The following PDZD2 variants were observed in gnomAD, a reference collection of about 807,000 sequenced individuals.
PDZD2 encodes PDZ domain containing 2.
A neutral mutation model predicts 220.7 loss-of-function variants in PDZD2; 90 were observed. The ratio of observed to expected loss-of-function variants is 0.41; its 90% CI spans 0.34 to 0.49. PDZD2 has a LOEUF of 0.49. Among genes scored for constraint, PDZD2 ranks in the 20% least tolerant of loss-of-function variants. PDZD2 has a pLI of 0.28. For missense variants in PDZD2, 3,174 were observed against 3,608.5 expected (o/e 0.88, Z 3.08); for synonymous variants, 1,375 against 1,450.5 (o/e 0.95, Z 1.18).
At chr5:31,745,656 T>C (rs1416028669) in intron 1 of PDZD2, among the ~76,000 whole-genome samples, 2 of 152,174 alleles carry the variant, frequency 1.3e-5, no homozygotes, top group African/African-American at 4.8e-5. Context: ...CCTTCCTGTT[T>C]TAGCATCTTC....
At chr5:31,948,685 A>G (rs1746883323) in intron 2 of PDZD2, among the ~76,000 whole-genome samples, 1 of 152,218 alleles carries the variant, frequency 6.6e-6, no homozygotes, top group Non-Finnish European at 1.5e-5. Flanking sequence ...TGATTTAATG[A>G]TATGATGTAA....
intron 1 of PDZD2, among the ~76,000 whole-genome samples, chr5:31,668,363 AC>A (rs763099704): frequency 3.9e-5 from 6 of 152,210 alleles, no homozygotes; most frequent in Non-Finnish European, 7.3e-5. Flanking sequence ...GGGGCTGCCC[AC>A]CACCGGGCAA....
rs530444269 is a variant in PDZD2 at position 31,664,362 on chromosome 5, C to T, written c.-361+24925C>T. Among the ~76,000 whole-genome samples, 3 of 152,080 alleles carry T rather than the reference C, an allele frequency of 2.0e-5. No individual in the cohort carries two copies. The East Asian group carries it at 5.8e-4, about 29-fold the overall frequency. ...AAAATCATTTCTCTCTCACAAACAG[C>T]CTAGTGCAGGGCTCAAATCCCAGGA... On this transcript the variant is annotated intron_variant, in intron 1 of 24. Coordinates refer to ENST00000438447, the MANE Select transcript of PDZD2 (RefSeq NM_178140.4).
At chr5:31,663,909 C>G (rs1207823808) in intron 1 of PDZD2, among the ~76,000 whole-genome samples, 1 of 151,910 alleles carries the variant, frequency 6.6e-6, no homozygotes, top group East Asian at 1.9e-4. Flanking sequence ...GCACATGTAT[C>G]TGTGTGTGAG....
chr5:31,945,775 A>G (rs1462531113), intron 2 of PDZD2, among the ~76,000 whole-genome samples: 3 of 152,008 alleles, frequency 2.0e-5, no homozygotes, highest in Non-Finnish European at 2.9e-5. Context: ...CCCCAGGAAG[A>G]GTCTTTAAGG....
Position 31,710,452 on chromosome 5 carries a change from C to T in PDZD2, c.-361+71015C>T, listed in dbSNP as rs573935249. Among the ~76,000 whole-genome samples the T allele has an allele frequency of 3.5e-4, 53 of 152,200 alleles. 1 individual carries two copies. The highest frequency in any genetic ancestry group is 3.4e-3 in the Middle Eastern group (1 of 294). ...GTTGGCTGAACTTCTATCCAAATTCCGGCTCTGCAGCTTACTGGTCACCTT... is the reference window on the plus strand; with the variant it reads ...GTTGGCTGAACTTCTATCCAAATTCTGGCTCTGCAGCTTACTGGTCACCTT... On this transcript the variant is annotated intron_variant, in intron 1 of 24. Transcript: ENST00000438447.
At chr5:31,662,730 C>T (rs374293561) in intron 1 of PDZD2, among the ~76,000 whole-genome samples, 8 of 152,278 alleles carry the variant, frequency 5.3e-5, no homozygotes, top group African/African-American at 1.7e-4. Context: ...CCCAGGTTCA[C>T]GCCATTCTCC....
At chr5:31,743,182 T>TTC (rs1750372281) in intron 1 of PDZD2, among the ~76,000 whole-genome samples, 2 of 151,670 alleles carry the variant, frequency 1.3e-5, no homozygotes, top group South Asian at 2.1e-4. Context: ...TTTTTCTTTT[T>TTC]TTTTTTTTTG....
intron 1 of PDZD2, among the ~76,000 whole-genome samples, chr5:31,711,668 A>G (rs1407090236): frequency 6.6e-6 from 1 of 152,156 alleles, no homozygotes; most frequent in Non-Finnish European, 1.5e-5. Flanking sequence ...GACAAGCCTC[A>G]GTTTCCTCAT....
At chr5:32,071,934 A>G (rs983607938) in intron 16 of PDZD2, among the ~76,000 whole-genome samples, 1 of 152,172 alleles carries the variant, frequency 6.6e-6, no homozygotes, top group African/African-American at 2.4e-5. Context: ...AAATTTAGCC[A>G]AAAACAAAAA....
At chr5:31,905,631 T>C (rs1468766998) in intron 2 of PDZD2, among the ~76,000 whole-genome samples, 1 of 152,226 alleles carries the variant, frequency 6.6e-6, no homozygotes, top group Non-Finnish European at 1.5e-5. Flanking sequence ...CAGGAAAGTA[T>C]TTTCTCACTA....
intron 2 of PDZD2, among the ~76,000 whole-genome samples, chr5:31,862,113 T>TG (rs1486838438): frequency 7.1e-6 from 1 of 140,894 alleles, no homozygotes; most frequent in East Asian, 2.1e-4. Context: ...TTTTTTTTTT[T>TG]TTTTTTTTTT....
chr5:32,067,159 A>G (rs1581412080), intron 14 of PDZD2, among the ~76,000 whole-genome samples: 1 of 152,294 alleles, frequency 6.6e-6, no homozygotes, highest in East Asian at 1.9e-4. Flanking sequence ...TACCACAAGG[A>G]TTTCTTTTCT....
At chr5:31,877,876 A>G (rs1739451153) in intron 2 of PDZD2, among the ~76,000 whole-genome samples, 1 of 151,948 alleles carries the variant, frequency 6.6e-6, no homozygotes, top group African/African-American at 2.4e-5. Context: ...TTTAGTAGAG[A>G]TGGGGTTTCA....
Position 32,043,031 on chromosome 5 carries a change from C to T in PDZD2, c.1520-5508C>T, listed in dbSNP as rs554932413. ...CCGGGAAAAAGATCTGCCTCCCAGA[C>T]AGAATTCTCCTTCCCTGCCCTTTGG... On this transcript the variant is annotated intron_variant, in intron 7 of 24. Coordinates refer to ENST00000438447, the MANE Select transcript of PDZD2 (RefSeq NM_178140.4). Among the ~76,000 whole-genome samples the T allele has an allele frequency of 6.6e-5, 10 of 152,320 alleles. No individual in the cohort carries two copies. In the East Asian group the frequency reaches 1.9e-3, roughly 29 times the overall value.
Position 31,799,194 on chromosome 5 carries a change from G to A in PDZD2, c.-55G>A, listed in dbSNP as rs762935896. The A allele has an allele frequency of 1.1e-5, 14 of 1,270,174 alleles. No individual in the cohort carries two copies. The highest frequency in any genetic ancestry group is 1.6e-5 in the Non-Finnish European group (14 of 902,314). 78.7% of individuals were successfully genotyped at this position (1,270,174 alleles called of 1,614,324 possible). A position where few individuals can be genotyped will look rare whatever the true frequency, so the allele number is the denominator to read the frequency against. On this transcript the variant is annotated 5_prime_UTR_variant, in exon 2 of 25. Transcript: ENST00000438447. ...CCCAGGGGACGTGGGGCCCTGTGGG[G>A]TCTGGCCCCCAGGAGCAAGACCTCT...
chr5:31,712,764 G>A (rs548603198), intron 1 of PDZD2, among the ~76,000 whole-genome samples: 14 of 152,290 alleles, frequency 9.2e-5, no homozygotes, highest in African/African-American at 3.1e-4. Context: ...ACAGAAAAGC[G>A]CAGGAATTGA....
rs555919506 is a variant in PDZD2 at position 31,808,338 on chromosome 5, C to T, written c.476+8614C>T. Among the ~76,000 whole-genome samples the T allele has an allele frequency of 1.9e-4, 29 of 152,292 alleles. No homozygotes were observed. In the South Asian group the frequency reaches 3.9e-3, roughly 21 times the overall value. ...GAAAGATTTCCCTTACCGGTTAAAA[C>T]GAAAACAAGTTTCAGCATTTAAAAT... On this transcript the variant is annotated intron_variant, in intron 2 of 24. Coordinates refer to ENST00000438447, the MANE Select transcript of PDZD2 (RefSeq NM_178140.4).
At chr5:32,058,411 G>A (rs1020498600) in intron 12 of PDZD2, among the ~76,000 whole-genome samples, 9 of 150,784 alleles carry the variant, frequency 6.0e-5, no homozygotes, top group Non-Finnish European at 1.2e-4. Flanking sequence ...GCTCATGTCT[G>A]TAATCCTAGC....
Sources: gnomAD v4.1 joint callset for allele counts (sites outside exome capture counted in the v4.1 genomes callset) on GRCh38, gnomAD v4.1.1 for gene constraint, MANE v1.5 for transcripts, NCBI Gene and HGNC (gene_info 2026-07-23, HGNC 2026-07-21) for gene names.